Variants in LY86 observed in about 807,000 individuals in gnomAD.
LY86 encodes lymphocyte antigen 86, also known as MD-1, RP105-associated.
LY86 carries 20 observed loss-of-function variants against 17.3 expected under a neutral mutation model. The observed-to-expected ratio is 1.15, with a 90% confidence interval of 0.81 to 1.68. The LOEUF is 1.68. Ranked by LOEUF, LY86 falls within the 40% of genes most tolerant of loss-of-function variation. The pLI is 0.00. For synonymous variants in LY86, 74 were observed against 70.6 expected, an observed-to-expected ratio of 1.05 and a Z score of -0.24; for missense variants, 200 against 191.9, an observed-to-expected ratio of 1.04 and a Z score of -0.25.
chr6:6,626,333 G>A lies in LY86; in HGVS notation c.264G>A (p.Met88Ile), dbSNP rs1761787579. The change falls in exon 3 of 5, where the codon ATG (methionine) becomes ATA (isoleucine). Residue 88 changes from methionine to isoleucine, a missense_variant. By Grantham distance (10) the Met-to-Ile change is conservative (BLOSUM62 1). Coordinates refer to ENST00000230568, the MANE Select transcript of LY86 (RefSeq NM_004271.4). Reference sequence around the variant, plus strand: ...AGCTTTTTCTTGACCTAGCTCTCATGTCTCAAGGCTCATCTGTTTTGAATT... The same window carrying A: ...AGCTTTTTCTTGACCTAGCTCTCATATCTCAAGGCTCATCTGTTTTGAATT... ...IKELFLDLAL[M>I]SQGSSVLNFS... 6.2e-7 allele frequency: 1 copy of A among 1,613,968 alleles called. No homozygotes were observed. Among genetic ancestry groups the A allele is most frequent in the African/African-American group, 1.3e-5 (1 of 75,044 alleles).
At chr6:6,654,460 A>G (rs1762231088) in intron 4 of LY86, 84 bp from the exon 5 acceptor site, 3 of 1,051,616 alleles carry the variant, frequency 2.9e-6, no homozygotes, top group South Asian at 1.4e-5. Flanking sequence ...CACCCAGCAC[A>G]TAAAAGTTTC....
chr6:6,654,535 C>T lies in LY86; in HGVS notation c.406-9C>T. 1 of 1,610,440 alleles carries T rather than the reference C, an allele frequency of 6.2e-7. No individual in the cohort carries two copies. The highest frequency in any genetic ancestry group is 2.2e-5 in the East Asian group (1 of 44,864). On this transcript the variant is annotated splice_polypyrimidine_tract_variant and intron_variant, in intron 4 of 4. Transcript: ENST00000230568. The stretch of plus-strand genomic sequence containing the variant: ...CACACGTCTAATACTTGACCTGTGC[C>T]CCTTGCAGGGAGAATACCAGGTTTT...
chr6:6,604,967 C>G (rs1362905499), intron 1 of LY86, among the ~76,000 whole-genome samples: 5 of 151,366 alleles, frequency 3.3e-5, no homozygotes, highest in African/African-American at 1.2e-4. Flanking sequence ...ATTCTATATA[C>G]AGTATAGCTA....
intron 4 of LY86, among the ~76,000 whole-genome samples, chr6:6,651,278 G>A (rs1341844252): frequency 6.6e-6 from 1 of 152,162 alleles, no homozygotes; most frequent in Non-Finnish European, 1.5e-5. Context: ...GAAGAAAAAG[G>A]TCTCTTTCTC....
chr6:6,606,175 A>T (rs1247042301), intron 1 of LY86, among the ~76,000 whole-genome samples: 1 of 152,128 alleles, frequency 6.6e-6, no homozygotes, highest in Non-Finnish European at 1.5e-5. Flanking sequence ...GTGCGTTTAC[A>T]ATCCCTGAGC....
intron 1 of LY86, among the ~76,000 whole-genome samples, chr6:6,598,057 G>A (rs1760773828): frequency 6.6e-6 from 1 of 152,160 alleles, no homozygotes; most frequent in South Asian, 2.1e-4. Context: ...GTGCTTTAGT[G>A]CTCAATTTAG....
chr6:6,625,465 T>C (rs1761769483), intron 2 of LY86, among the ~76,000 whole-genome samples: 1 of 152,206 alleles, frequency 6.6e-6, no homozygotes, highest in Non-Finnish European at 1.5e-5. Context: ...AAGGAGGAGA[T>C]GTAATATTTT....
At chr6:6,632,485 T>C (rs1761910669) in intron 3 of LY86, among the ~76,000 whole-genome samples, 1 of 152,176 alleles carries the variant, frequency 6.6e-6, no homozygotes, top group Admixed American at 6.5e-5. Flanking sequence ...CGAGGGACCT[T>C]GAGGCAGAGG....
intron 1 of LY86, among the ~76,000 whole-genome samples, chr6:6,623,228 G>C (rs934261828): frequency 6.6e-6 from 1 of 152,216 alleles, no homozygotes; most frequent in Non-Finnish European, 1.5e-5. Context: ...AAAAGGCAGA[G>C]GTTGTGGGGA....
intron 1 of LY86, among the ~76,000 whole-genome samples, chr6:6,595,560 C>CT (rs1228456922): frequency 3.6e-5 from 5 of 140,334 alleles, no homozygotes; most frequent in African/African-American, 1.3e-4. Context: ...ACATCCAGAA[C>CT]TGGGCCAATT....
chr6:6,612,362 T>C (rs1373493061), intron 1 of LY86, among the ~76,000 whole-genome samples: 2 of 152,264 alleles, frequency 1.3e-5, no homozygotes, highest in Non-Finnish European at 1.5e-5. Context: ...CTTAAGGTGA[T>C]ACATTTGGAG....
At chr6:6,622,774 G>A (rs1761709005) in intron 1 of LY86, 1 of 152,238 alleles carries the variant, frequency 6.6e-6, no homozygotes, top group Non-Finnish European at 1.5e-5. Flanking sequence ...TAGCTAAGCT[G>A]AAATGGAAAT....
intron 1 of LY86, among the ~76,000 whole-genome samples, chr6:6,620,137 C>G (rs866455524): frequency 2.0e-5 from 3 of 151,834 alleles, no homozygotes; most frequent in African/African-American, 7.3e-5. Context: ...CACATACATG[C>G]GCTTGTACAC....
At chr6:6,624,781 C>T (rs1275396511) in intron 1 of LY86, 145 bp from the exon 2 acceptor site, 2 of 562,464 alleles carry the variant, frequency 3.6e-6, no homozygotes, top group Non-Finnish European at 3.2e-6. Context: ...ATGAAAATAT[C>T]ATGGGCTTAT....
rs146431026 is a variant in LY86, at chr6:6,597,895, T to C, written c.136+9025T>C. Among the ~76,000 whole-genome samples, 597 of 152,388 alleles carry C rather than the reference T, an allele frequency of 3.9e-3. 1 individual carries two copies. The highest frequency in any genetic ancestry group is 0.017 in the Middle Eastern group (5 of 294). On this transcript the variant is annotated intron_variant, in intron 1 of 4. Coordinates refer to ENST00000230568, the MANE Select transcript of LY86 (RefSeq NM_004271.4). ...AGAATGGCGTCCAAAGGCTCTCTTA[T>C]TTGAAACCTGACACCTTCCCTTCTG...
At chr6:6,635,593 T>C (rs1761948493) in intron 3 of LY86, among the ~76,000 whole-genome samples, 1 of 152,216 alleles carries the variant, frequency 6.6e-6, no homozygotes, top group African/African-American at 2.4e-5. Context: ...TATGTTATAC[T>C]TGTTTGCTCA....
chr6:6,595,488 C>A (rs1760683698), intron 1 of LY86, among the ~76,000 whole-genome samples: 1 of 151,842 alleles, frequency 6.6e-6, no homozygotes, highest in Non-Finnish European at 1.5e-5. Context: ...AGAGATTCAT[C>A]TCCTGATGAA....
At chr6:6,654,288 C>G (rs1162936607) in intron 4 of LY86, among the ~76,000 whole-genome samples, 1 of 152,222 alleles carries the variant, frequency 6.6e-6, no homozygotes, top group Non-Finnish European at 1.5e-5. Context: ...GTGCTTCCAT[C>G]CACTCCCTTC....
At chr6:6,591,728 T>A (rs190278441) in intron 1 of LY86, among the ~76,000 whole-genome samples, 1 of 152,120 alleles carries the variant, frequency 6.6e-6, no homozygotes, top group African/African-American at 2.4e-5. Context: ...GAACTATTGA[T>A]GGAATTAAAA....
Sources: gnomAD v4.1 joint callset for allele counts (sites outside exome capture counted in the v4.1 genomes callset) on GRCh38, gnomAD v4.1.1 for gene constraint, MANE v1.5 for transcripts, NCBI Gene and HGNC (gene_info 2026-07-23, HGNC 2026-07-21) for gene names.